Variants in WWP1 observed in about 807,000 individuals in gnomAD.
WWP1 encodes WW domain containing E3 ubiquitin protein ligase 1.
Under a neutral mutation model 130.6 loss-of-function variants are expected in WWP1, and 49 were observed. That is an observed-to-expected ratio of 0.38 (90% confidence interval 0.30 to 0.48). The LOEUF (loss-of-function observed/expected upper bound fraction) is 0.48, where lower values mean the gene tolerates loss of function less well. WWP1 is among the 20% of genes least tolerant of loss of function. The pLI, the probability that WWP1 is intolerant of heterozygous loss-of-function variation, is 0.99. For synonymous variants in WWP1, 332 were observed against 367.8 expected (o/e 0.90, Z 1.11); for missense variants, 809 against 1,100.6 (o/e 0.74, Z 3.75).
chr8:86,393,701 G>A (rs1179759545), intron 5 of WWP1, among the ~76,000 whole-genome samples: 3 of 152,104 alleles, frequency 2.0e-5, no homozygotes, highest in Non-Finnish European at 2.9e-5. Context: ...GTAACCTAAT[G>A]TGTTCATTTT....
chr8:86,400,111 A>T (rs564848281), intron 7 of WWP1, among the ~76,000 whole-genome samples: 1 of 151,994 alleles, frequency 6.6e-6, no homozygotes, highest in African/African-American at 2.4e-5. Context: ...CGGGCAGATC[A>T]TGAGGTCAGG....
chr8:86,400,629 C>A (rs1005710053), intron 7 of WWP1, among the ~76,000 whole-genome samples: 2 of 152,122 alleles, frequency 1.3e-5, no homozygotes, highest in African/African-American at 2.4e-5. Context: ...TCTAGAAATT[C>A]TTCTAACTCT....
chr8:86,369,723 C>T (rs941391825), intron 2 of WWP1, among the ~76,000 whole-genome samples: 2 of 151,998 alleles, frequency 1.3e-5, no homozygotes, highest in Non-Finnish European at 2.9e-5. Context: ...ATATCTTCAC[C>T]TATCCTTAAA....
At chr8:86,417,088 G>A (rs989646013) in intron 9 of WWP1, 1 of 152,556 alleles carries the variant, frequency 6.6e-6, no homozygotes, top group Non-Finnish European at 1.5e-5. Context: ...GGGGAGGAGA[G>A]AAGGGCACAC....
intron 1 of WWP1, among the ~76,000 whole-genome samples, chr8:86,360,265 A>G (rs1823515790): frequency 6.6e-6 from 1 of 152,158 alleles, no homozygotes; most frequent in South Asian, 2.1e-4. Flanking sequence ...TTGGTAAGCC[A>G]CAGGCTTCAG....
intron 9 of WWP1, among the ~76,000 whole-genome samples, 173 bp downstream of exon 9, chr8:86,412,047 G>T (rs1808615954): frequency 6.6e-6 from 1 of 152,124 alleles, no homozygotes; most frequent in South Asian, 2.1e-4. Context: ...TTGAAACTAA[G>T]AACAATTGCT....
At position 86,342,600 on chromosome 8, in the gene WWP1, C is replaced by G. The variant is rs1822246888; in HGVS notation, c.-445C>G. 1 of 168,058 alleles carries G rather than the reference C, an allele frequency of 6.0e-6. No individual in the cohort carries two copies. Among genetic ancestry groups the G allele is most frequent in the Admixed American group, 6.4e-5 (1 of 15,656 alleles). The allele number at this position is 168,058 out of a possible 1,614,324, so 10.4% of individuals were successfully genotyped here. A position where few individuals can be genotyped will look rare whatever the true frequency, so the allele number is the denominator to read the frequency against. ...GCGGCCGCGGCGTAGCGCGCGGTGC[C>G]GGGGCCGGCGGGGAGGCGCGCGCTT... On this transcript the variant is annotated 5_prime_UTR_variant, in exon 1 of 25. Coordinates refer to ENST00000517970, the MANE Select transcript of WWP1 (RefSeq NM_007013.4).
intron 2 of WWP1, among the ~76,000 whole-genome samples, chr8:86,373,147 T>C (rs1824430750): frequency 6.6e-6 from 1 of 151,872 alleles, no homozygotes; most frequent in Admixed American, 6.5e-5. Flanking sequence ...TAAATTCTAT[T>C]TATAGTTTTC....
chr8:86,462,702 T>A (rs1404587843), intron 24 of WWP1, among the ~76,000 whole-genome samples: 1 of 152,154 alleles, frequency 6.6e-6, no homozygotes, highest in Non-Finnish European at 1.5e-5. Context: ...GGTGATTCTT[T>A]CAAGAGGTCA....
At chr8:86,389,812 G>T (rs976699323) in intron 5 of WWP1, among the ~76,000 whole-genome samples, 1 of 151,544 alleles carries the variant, frequency 6.6e-6, no homozygotes. Context: ...CTCCCAGATG[G>T]GGCGGCTGGC....
intron 14 of WWP1, among the ~76,000 whole-genome samples, chr8:86,435,169 T>C (rs1250841024): frequency 6.6e-6 from 1 of 152,368 alleles, no homozygotes; most frequent in East Asian, 1.9e-4. Context: ...TCGAAGATTT[T>C]CTTTGAAATA....
chr8:86,461,468 A>G (rs947075986), intron 23 of WWP1, 148 bp downstream of exon 23: 5 of 700,760 alleles, frequency 7.1e-6, no homozygotes, highest in East Asian at 2.7e-5. Flanking sequence ...TGAGTGGCTA[A>G]TATCAAAGCA....
At chr8:86,364,829 AAGAAAGAGAG>A (rs1457161610) in intron 1 of WWP1, among the ~76,000 whole-genome samples, 177 of 121,918 alleles carry the variant, frequency 1.5e-3, no homozygotes, top group Non-Finnish European at 2.4e-3. Flanking sequence ...GAAAGAAAGA[AAGAAAGAGAG>A]AGAGAGAGAG....
chr8:86,378,127 A>G (rs187474249), intron 3 of WWP1, among the ~76,000 whole-genome samples: 183 of 152,220 alleles, frequency 1.2e-3, no homozygotes, highest in African/African-American at 4.3e-3. Flanking sequence ...ATTACTTTGC[A>G]TTTTAAAATA....
At chr8:86,396,290 G>A (rs1419904355) in intron 5 of WWP1, among the ~76,000 whole-genome samples, 11 of 152,100 alleles carry the variant, frequency 7.2e-5, no homozygotes, top group African/African-American at 2.4e-4. Context: ...TTGTAGAGAC[G>A]GGGTTTCACC....
intron 3 of WWP1, among the ~76,000 whole-genome samples, chr8:86,380,392 C>A (rs1824915886): frequency 6.6e-6 from 1 of 151,966 alleles, no homozygotes. Flanking sequence ...GGGGTGACTG[C>A]TTAATGGTAT....
At chr8:86,391,629 T>C (rs1039886739) in intron 5 of WWP1, among the ~76,000 whole-genome samples, 2 of 152,028 alleles carry the variant, frequency 1.3e-5, no homozygotes, top group Non-Finnish European at 2.9e-5. Context: ...CAGCATGAAC[T>C]GAACTCAACT....
intron 8 of WWP1, among the ~76,000 whole-genome samples, chr8:86,409,409 A>G (rs1371998633): frequency 1.4e-5 from 2 of 147,758 alleles, no homozygotes; most frequent in Non-Finnish European, 3.0e-5. Context: ...TAATTTTCCT[A>G]TTTTTTGGTA....
chr8:86,441,207 T>A (rs932128386), intron 17 of WWP1, among the ~76,000 whole-genome samples: 3 of 152,248 alleles, frequency 2.0e-5, no homozygotes, highest in Non-Finnish European at 2.9e-5. Context: ...TTTATATATG[T>A]GTCTAAACAC....
Sources: allele counts gnomAD v4.1 joint callset (sites outside exome capture counted in the v4.1 genomes callset), GRCh38; gene constraint gnomAD v4.1.1; transcripts MANE v1.5; gene names NCBI Gene and HGNC (gene_info 2026-07-23, HGNC 2026-07-21).